Variants in LRMDA observed in about 807,000 individuals in gnomAD.
LRMDA encodes the protein leucine-rich melanocyte differentiation-associated protein.
In LRMDA, 18 loss-of-function variants were observed where a neutral mutation model predicts 29.8. The ratio of observed to expected loss-of-function variants is 0.60; its 90% CI spans 0.42 to 0.90. LRMDA has a LOEUF of 0.90. LRMDA is among the 40% of genes least tolerant of loss of function. The pLI, the probability that LRMDA is intolerant of heterozygous loss-of-function variation, is 0.00. For synonymous variants in LRMDA, 125 were observed against 109.4 expected, an observed-to-expected ratio of 1.14 and a Z score of -0.89; for missense variants, 273 against 273.9, an observed-to-expected ratio of 1.00 and a Z score of 0.02.
At chr10:75,504,726 CT>C (rs1428937039) in intron 2 of LRMDA, among the ~76,000 whole-genome samples, 2 of 152,030 alleles carry the variant, frequency 1.3e-5, no homozygotes, top group Non-Finnish European at 2.9e-5. Flanking sequence ...GCATTAGGAA[CT>C]AGTAGAAGGT....
intron 2 of LRMDA, among the ~76,000 whole-genome samples, chr10:75,850,177 A>G (rs1306613791): frequency 6.8e-6 from 1 of 147,302 alleles, no homozygotes; most frequent in Non-Finnish European, 1.5e-5. Flanking sequence ...GGCCAGACAT[A>G]AACTAGAAAG....
chr10:76,243,884 G>A (rs1357815068), intron 5 of LRMDA, among the ~76,000 whole-genome samples: 1 of 152,132 alleles, frequency 6.6e-6, no homozygotes, highest in Admixed American at 6.5e-5. Flanking sequence ...ATGAGTTGTT[G>A]AAGATGTAGC....
At chr10:75,476,074 C>T (rs1589154472) in intron 2 of LRMDA, among the ~76,000 whole-genome samples, 1 of 152,172 alleles carries the variant, frequency 6.6e-6, no homozygotes, top group African/African-American at 2.4e-5. Flanking sequence ...TCTGACCCAT[C>T]AGAATGGAAA....
At chr10:76,206,291 C>T (rs1851535491) in intron 5 of LRMDA, among the ~76,000 whole-genome samples, 1 of 152,184 alleles carries the variant, frequency 6.6e-6, no homozygotes. Context: ...TGCTTTTTCT[C>T]TCTTTCCTCA....
At chr10:76,343,252 G>T (rs944086089) in intron 6 of LRMDA, among the ~76,000 whole-genome samples, 4 of 152,112 alleles carry the variant, frequency 2.6e-5, no homozygotes, top group African/African-American at 9.7e-5. Flanking sequence ...AATTTCTTTT[G>T]TGAAGTACAT....
chr10:75,720,985 T>C (rs546127183), intron 2 of LRMDA, among the ~76,000 whole-genome samples: 2 of 152,342 alleles, frequency 1.3e-5, no homozygotes, highest in East Asian at 3.9e-4. Flanking sequence ...AATGACTCTG[T>C]TTTAACTATG....
intron 2 of LRMDA, among the ~76,000 whole-genome samples, chr10:75,787,018 G>C (rs1271413337): frequency 6.6e-6 from 1 of 152,206 alleles, no homozygotes; most frequent in African/African-American, 2.4e-5. Context: ...TGGGGAATGT[G>C]AATGAAGCCC....
At chr10:75,772,247 A>T (rs1323713906) in intron 2 of LRMDA, among the ~76,000 whole-genome samples, 3 of 152,078 alleles carry the variant, frequency 2.0e-5, no homozygotes, top group African/African-American at 7.2e-5. Context: ...ATTTTTGTAA[A>T]ATTAGGACTT....
At chr10:76,086,956 C>T (rs990537901) in intron 5 of LRMDA, among the ~76,000 whole-genome samples, 3 of 152,174 alleles carry the variant, frequency 2.0e-5, no homozygotes, top group Non-Finnish European at 4.4e-5. Context: ...GGCCAGGGAC[C>T]GGAGGCTTTG....
intron 2 of LRMDA, among the ~76,000 whole-genome samples, chr10:75,529,039 G>A (rs747950693): frequency 6.6e-6 from 1 of 152,156 alleles, no homozygotes; most frequent in Non-Finnish European, 1.5e-5. Flanking sequence ...CAGTCTCAGA[G>A]GTCCAACATA....
chr10:75,572,925 A>G (rs1840455408), intron 2 of LRMDA, among the ~76,000 whole-genome samples: 1 of 152,218 alleles, frequency 6.6e-6, no homozygotes, highest in Non-Finnish European at 1.5e-5. Context: ...ATGTGAGGAC[A>G]CAGCAAGAAG....
At chr10:76,528,887 T>A (rs117982777) in intron 6 of LRMDA, among the ~76,000 whole-genome samples, 4 of 152,254 alleles carry the variant, frequency 2.6e-5, no homozygotes, top group Non-Finnish European at 5.9e-5. Context: ...TCTTTCCAAG[T>A]TCCAAGTAGC....
At position 76,499,605 on chromosome 10, in the gene LRMDA, C is replaced by A. The variant is rs534683671; in HGVS notation, c.602-57604C>A. Among the ~76,000 whole-genome samples the A allele has an allele frequency of 3.1e-4, 23 of 73,814 alleles. 9 individuals are homozygous for A. The South Asian group carries it at 7.5e-3, about 24-fold the overall frequency. The allele number at this position is 73,814 out of a possible 152,430, so 48.4% of individuals were successfully genotyped here. ...ATTAGTAAAATTATTTCTTATACAC[C>A]CTTCTCCCAGATTTCCCAGTTATTA... is the stretch of plus-strand genomic sequence containing the variant. On this transcript the variant is annotated intron_variant, in intron 6 of 6. Coordinates refer to ENST00000611255, the MANE Select transcript of LRMDA (RefSeq NM_001305581.2).
chr10:75,533,420 G>A (rs536036101), intron 2 of LRMDA, among the ~76,000 whole-genome samples: 1 of 152,168 alleles, frequency 6.6e-6, no homozygotes. Context: ...AGGGAGCCTG[G>A]GAGAGTTTCG....
chr10:76,048,230 A>T (rs1035117064), intron 4 of LRMDA, among the ~76,000 whole-genome samples: 2 of 152,146 alleles, frequency 1.3e-5, no homozygotes, highest in Non-Finnish European at 2.9e-5. Context: ...ATGTATATGT[A>T]TGTGTACACA....
At chr10:76,183,764 G>C (rs925210464) in intron 5 of LRMDA, among the ~76,000 whole-genome samples, 1 of 152,138 alleles carries the variant, frequency 6.6e-6, no homozygotes, top group Non-Finnish European at 1.5e-5. Flanking sequence ...TGTCACCCAG[G>C]CTGGAGTACA....
rs953123317 is a variant in LRMDA, at chr10:76,533,403, G to A, written c.602-23806G>A. ...TCATGAGCACTTCTTTCCCTTCTTG[G>A]TTAACTGTGTTTAGATCTTTATCAT... On this transcript the variant is annotated intron_variant, in intron 6 of 6. Transcript: ENST00000611255. Among the ~76,000 whole-genome samples the A allele has an allele frequency of 3.3e-5, 5 of 152,176 alleles. No homozygotes were observed. In the South Asian group the frequency reaches 6.2e-4, roughly 19 times the overall value.
rs1261178824 is a variant in LRMDA at position 76,069,203 on chromosome 10, A to G, written c.516+10420A>G. On this transcript the variant is annotated intron_variant, in intron 5 of 6. Transcript: ENST00000611255. Reference sequence around the variant, plus strand: ...GTATACACACTCAGATTCCAAATGCATCTTCTTTGTCACTCTGACCAGCAG... The same window carrying G: ...GTATACACACTCAGATTCCAAATGCGTCTTCTTTGTCACTCTGACCAGCAG... Among the ~76,000 whole-genome samples the G allele has an allele frequency of 2.0e-5, 3 of 152,274 alleles. No individual in the cohort carries two copies. The East Asian group carries it at 5.8e-4, about 29-fold the overall frequency.
At chr10:76,128,088 A>C (rs888786637) in intron 5 of LRMDA, among the ~76,000 whole-genome samples, 2 of 152,204 alleles carry the variant, frequency 1.3e-5, no homozygotes, top group Non-Finnish European at 1.5e-5. Context: ...AAAGGAGAGA[A>C]TTGGCAAAGA....
Sources: gnomAD v4.1 joint callset for allele counts (sites outside exome capture counted in the v4.1 genomes callset) on GRCh38, gnomAD v4.1.1 for gene constraint, MANE v1.5 for transcripts, NCBI Gene and HGNC (gene_info 2026-07-23, HGNC 2026-07-21) for gene names.